MRPL3: variants seen among roughly 807,000 people sequenced by gnomAD.
The protein encoded by MRPL3 is mitochondrial ribosomal protein L3.
MRPL3 carries 43 observed loss-of-function variants against 44.3 expected under a neutral mutation model. That is an observed-to-expected ratio of 0.97 (90% confidence interval 0.76 to 1.25). The LOEUF is 1.25. MRPL3 is among the 50% of genes most tolerant of loss of function. The pLI is 0.00. For missense variants in MRPL3, 406 were observed against 427.6 expected (o/e 0.95, Z 0.45); for synonymous variants, 171 against 152.3 (o/e 1.12, Z -0.91).
intron 6 of MRPL3, among the ~76,000 whole-genome samples, chr3:131,475,989 C>T (rs1417089958): frequency 2.0e-5 from 3 of 152,174 alleles, no homozygotes; most frequent in Admixed American, 6.5e-5. Context: ...AGAAAGTTTA[C>T]TGGTACTTCT....
In MRPL3 at chr3:131,477,238, C is replaced by T. The variant is rs1013208490; in HGVS notation, c.630-5959G>A. On this transcript the variant is annotated intron_variant, in intron 6 of 9. Transcript: ENST00000264995. The stretch of plus-strand genomic sequence containing the variant: ...CCATAAGGTGAAGAATGACCATATA[C>T]CTGCTTTTAAACCCATCCATTCTGT... 2.0e-5 allele frequency among the ~76,000 whole-genome samples: 3 copies of T among 152,158 alleles called. No individual in the cohort carries two copies. The South Asian group carries it at 6.2e-4, about 31-fold the overall frequency.
In MRPL3 at chr3:131,471,275, CA is replaced by C. The variant is rs1933737024; in HGVS notation, c.633del (p.Ile211MetfsTer9). The C allele has an allele frequency of 6.2e-7, 1 of 1,605,060 alleles. No homozygotes were observed. Among genetic ancestry groups the C allele is most frequent in the Non-Finnish European group, 8.5e-7 (1 of 1,172,042 alleles). On this transcript the variant is annotated frameshift_variant, in exon 7 of 10. Transcript: ENST00000264995. LOFTEE classifies it high-confidence loss of function. ...TTCATGACACCTTGAAAACCTTTAC[CA>C]ATACTGAACAAAACAAACGTTAGAA... is the stretch of plus-strand genomic sequence containing the variant. ...GQYVDVTAKT[I>X]GKGFQGVMKR...
rs764339785 is a variant in MRPL3 at position 131,490,125 on chromosome 3, A to G, written c.469-45T>C. On this transcript the variant is annotated intron_variant, in intron 4 of 9. Coordinates refer to ENST00000264995, the MANE Select transcript of MRPL3 (RefSeq NM_007208.4). ...TATAAGTAATACATTGAATATTAAA[A>G]GTGGAATTAAATGCATGGAGATCTA... 5 of 1,360,764 alleles carry G rather than the reference A, an allele frequency of 3.7e-6. No homozygotes were observed. In the South Asian group the frequency reaches 4.7e-5, roughly 13 times the overall value. The allele number at this position is 1,360,764 out of a possible 1,614,324, so 84.3% of individuals were successfully genotyped here. A position where few individuals can be genotyped will look rare whatever the true frequency, so the allele number is the denominator to read the frequency against.
rs749279093 is a variant in MRPL3 at position 131,500,410 on chromosome 3, G to A, written c.369+20C>T. 8.3e-5 allele frequency: 131 copies of A among 1,579,404 alleles called. No homozygotes were observed. Among genetic ancestry groups the A allele is most frequent in the South Asian group, 2.9e-4 (26 of 90,400 alleles). ...CTTGAAACACATAGATATCTCTTACGTCTTCTGTTTCTCTCTTACCTGAAG... is the reference window on the plus strand; with the variant it reads ...CTTGAAACACATAGATATCTCTTACATCTTCTGTTTCTCTCTTACCTGAAG... On this transcript the variant is annotated intron_variant, in intron 3 of 9. Coordinates refer to ENST00000264995, the MANE Select transcript of MRPL3 (RefSeq NM_007208.4).
intron 6 of MRPL3, among the ~76,000 whole-genome samples, chr3:131,473,227 C>G (rs6785421): frequency 0.059 from 8,948 of 151,956 alleles, 900 homozygotes; most frequent in African/African-American, 0.2. Context: ...CACAGAACAA[C>G]GGAACAGAAC....
intron 9 of MRPL3, among the ~76,000 whole-genome samples, chr3:131,463,654 A>C (rs2110692310): frequency 6.6e-6 from 1 of 152,268 alleles, no homozygotes; most frequent in African/African-American, 2.4e-5. Flanking sequence ...AAAAACAATA[A>C]CAGACCTATG....
chr3:131,491,623 T>G (rs1264835320), intron 4 of MRPL3, among the ~76,000 whole-genome samples: 1 of 152,154 alleles, frequency 6.6e-6, no homozygotes, highest in South Asian at 2.1e-4. Flanking sequence ...AAAAATCTTA[T>G]GGTCACCCTT....
intron 9 of MRPL3, among the ~76,000 whole-genome samples, chr3:131,466,608 C>T (rs1310102943): frequency 1.3e-5 from 2 of 149,588 alleles, no homozygotes; most frequent in Non-Finnish European, 3.0e-5. Flanking sequence ...TACCTTTAAC[C>T]ACTTTTGATG....
rs770199689 is a variant in MRPL3, at chr3:131,479,181, T to C, written c.630-7902A>G. ...AACTCCAAATTATTCTTGCATACAC[T>C]GTCCCCCCTGCCTGGACATGAGCAC... On this transcript the variant is annotated intron_variant, in intron 6 of 9. Transcript: ENST00000264995. 2.0e-4 allele frequency: 106 copies of C among 519,188 alleles called. 2 individuals carry two copies. Among genetic ancestry groups the C allele is most frequent in the South Asian group, 1.4e-3 (102 of 71,580 alleles). 32.2% of individuals were successfully genotyped at this position (519,188 alleles called of 1,614,324 possible).
chr3:131,492,824 T>C (rs1291638475), intron 4 of MRPL3, among the ~76,000 whole-genome samples: 1 of 152,162 alleles, frequency 6.6e-6, no homozygotes, highest in Non-Finnish European at 1.5e-5. Flanking sequence ...CTGTCTGCTC[T>C]CCACTCCTGC....
At position 131,469,782 on chromosome 3, in the gene MRPL3, G is replaced by A. The variant is rs755069801; in HGVS notation, c.739-9C>T. On this transcript the variant is annotated splice_polypyrimidine_tract_variant and intron_variant, in intron 7 of 9. Coordinates refer to ENST00000264995, the MANE Select transcript of MRPL3 (RefSeq NM_007208.4). The stretch of plus-strand genomic sequence containing the variant: ...CAGACTCTGCCAATATCCTAAATGA[G>A]AAAACTAAAGTTAACACTTTTAAGT... 1.9e-6 allele frequency: 3 copies of A among 1,597,956 alleles called. No homozygotes were observed. The highest frequency in any genetic ancestry group is 1.1e-5 in the South Asian group (1 of 90,406).
chr3:131,498,042 C>G (rs945124944), intron 4 of MRPL3, 137 bp downstream of exon 4: 3 of 690,158 alleles, frequency 4.3e-6, no homozygotes, highest in Non-Finnish European at 7.6e-6. Context: ...CTGTGCCAGA[C>G]TGCCTCCCCC....
intron 5 of MRPL3, among the ~76,000 whole-genome samples, chr3:131,489,020 A>T (rs1278268848): frequency 6.6e-6 from 1 of 152,116 alleles, no homozygotes; most frequent in East Asian, 1.9e-4. Flanking sequence ...AGCTACAGCA[A>T]AAGTTAATGT....
At chr3:131,464,912 A>T (rs972872589) in intron 9 of MRPL3, among the ~76,000 whole-genome samples, 1 of 152,226 alleles carries the variant, frequency 6.6e-6, no homozygotes, top group Non-Finnish European at 1.5e-5. Context: ...ATAGGCAAGG[A>T]AGGACTAATT....
intron 6 of MRPL3, among the ~76,000 whole-genome samples, chr3:131,483,137 C>A (rs1260192481): frequency 6.6e-6 from 1 of 152,122 alleles, no homozygotes; most frequent in Non-Finnish European, 1.5e-5. Flanking sequence ...TCTTCAAAAT[C>A]GAGACTGAAA....
At chr3:131,487,385 A>T in intron 6 of MRPL3, 2 of 264,698 alleles carry the variant, frequency 7.6e-6, no homozygotes, top group South Asian at 9.2e-5. Flanking sequence ...CCAACATGGC[A>T]CACGTCTACC....
In MRPL3 at chr3:131,485,181, C is replaced by T. The variant is rs568354626; in HGVS notation, c.629+2499G>A. On this transcript the variant is annotated intron_variant, in intron 6 of 9. Transcript: ENST00000264995. ...AAAAGTTTTCCTCTTTTACTTTATGCTTACAAGAAGGCAGCTGAAGTTTTA... is the reference window on the plus strand; with the variant it reads ...AAAAGTTTTCCTCTTTTACTTTATGTTTACAAGAAGGCAGCTGAAGTTTTA... Among the ~76,000 whole-genome samples, 6 of 152,258 alleles carry T rather than the reference C, an allele frequency of 3.9e-5. No homozygotes were observed. The South Asian group carries it at 1.2e-3, about 32-fold the overall frequency.
At chr3:131,476,814 G>C (rs559567645) in intron 6 of MRPL3, among the ~76,000 whole-genome samples, 1 of 152,316 alleles carries the variant, frequency 6.6e-6, no homozygotes, top group East Asian at 1.9e-4. Context: ...GTAGTGCCCA[G>C]TCTAGAGAAG....
chr3:131,467,919 A>T (rs1933652402), intron 9 of MRPL3, among the ~76,000 whole-genome samples, 172 bp downstream of exon 9: 1 of 152,114 alleles, frequency 6.6e-6, no homozygotes, highest in Non-Finnish European at 1.5e-5. Context: ...GATTCAGGAG[A>T]GAACATGTGG....
Sources: gnomAD v4.1 joint callset for allele counts (sites outside exome capture counted in the v4.1 genomes callset) on GRCh38, gnomAD v4.1.1 for gene constraint, MANE v1.5 for transcripts, NCBI Gene and HGNC (gene_info 2026-07-23, HGNC 2026-07-21) for gene names.